CLNK: variants seen among roughly 807,000 people sequenced by gnomAD.
CLNK encodes cytokine-dependent hematopoietic cell linker.
In CLNK, 74 loss-of-function variants were observed where a neutral mutation model predicts 68.6. The observed-to-expected ratio is 1.08, with a 90% CI of 0.89 to 1.31. CLNK has a LOEUF of 1.31. CLNK is among the 50% of genes most tolerant of loss of function. The pLI is 0.00. For missense variants in CLNK, 553 were observed against 515.3 expected (o/e 1.07, Z -0.71); for synonymous variants, 198 against 172.2 (o/e 1.15, Z -1.17).
chr4:10,663,070 T>C (rs1724255167), intron 2 of CLNK, among the ~76,000 whole-genome samples: 1 of 152,226 alleles, frequency 6.6e-6, no homozygotes, highest in South Asian at 2.1e-4. Context: ...TGACTTTGTC[T>C]CTTCCAAAGC....
At chr4:10,620,828 C>T (rs1267007585) in intron 2 of CLNK, among the ~76,000 whole-genome samples, 2 of 151,862 alleles carry the variant, frequency 1.3e-5, no homozygotes, top group African/African-American at 2.4e-5. Context: ...TCAGGCTGGG[C>T]GCGGTGGCTC....
intron 13 of CLNK, among the ~76,000 whole-genome samples, chr4:10,527,259 T>C (rs1718357861): frequency 6.6e-6 from 1 of 152,230 alleles, no homozygotes; most frequent in African/African-American, 2.4e-5. Flanking sequence ...GTTAGGTTTT[T>C]GAATTATTTA....
chr4:10,638,606 T>C (rs1448171890), intron 2 of CLNK, among the ~76,000 whole-genome samples: 3 of 152,224 alleles, frequency 2.0e-5, no homozygotes, highest in Non-Finnish European at 2.9e-5. Flanking sequence ...TGGTTGTTAT[T>C]GACACTGGTG....
At chr4:10,676,528 C>T (rs1161098161) in intron 1 of CLNK, among the ~76,000 whole-genome samples, 1 of 151,614 alleles carries the variant, frequency 6.6e-6, no homozygotes, top group Non-Finnish European at 1.5e-5. Context: ...GGCAATGTGA[C>T]TGTGCATTCA....
intron 1 of CLNK, among the ~76,000 whole-genome samples, chr4:10,684,105 A>G (rs1036058677): frequency 5.9e-5 from 9 of 152,336 alleles, no homozygotes; most frequent in Non-Finnish European, 1.2e-4. Context: ...TTTCAAGAGT[A>G]AGAATTTAAC....
intron 3 of CLNK, among the ~76,000 whole-genome samples, chr4:10,591,209 G>T (rs547097115): frequency 6.6e-6 from 1 of 152,154 alleles, no homozygotes; most frequent in Admixed American, 6.5e-5. Flanking sequence ...CAGAGGTAAC[G>T]TAGGAACACA....
intron 1 of CLNK, among the ~76,000 whole-genome samples, chr4:10,682,137 G>A (rs1168196953): frequency 2.6e-5 from 4 of 151,914 alleles, no homozygotes; most frequent in East Asian, 3.9e-4. Flanking sequence ...GTGTGTATGT[G>A]TGTGTGTGTG....
chr4:10,530,625 C>T (rs1443952912), intron 12 of CLNK, among the ~76,000 whole-genome samples: 1 of 152,170 alleles, frequency 6.6e-6, no homozygotes, highest in Admixed American at 6.5e-5. Flanking sequence ...GCTGACCCCC[C>T]ATCTCCCAAT....
the CLNK span, among the ~76,000 whole-genome samples, chr4:10,701,486 G>A: frequency 5.3e-5 from 8 of 152,150 alleles, no homozygotes; most frequent in East Asian, 1.9e-4. Context: ...AAAATAAAAC[G>A]CAGTCCCCTT....
chr4:10,508,082 T>C (rs1243634353), intron 16 of CLNK, 46 bp from the exon 17 acceptor site: 3 of 1,405,640 alleles, frequency 2.1e-6, no homozygotes, highest in Non-Finnish European at 2.0e-6. Flanking sequence ...CAATGGGAAG[T>C]ATGAATTATT....
chr4:10,675,054 T>G (rs772035723), intron 1 of CLNK, among the ~76,000 whole-genome samples: 1 of 152,172 alleles, frequency 6.6e-6, no homozygotes, highest in South Asian at 2.1e-4. Context: ...AAAACCTAGA[T>G]GATGGGTTGG....
At chr4:10,670,147 A>G (rs1372983658) in intron 1 of CLNK, among the ~76,000 whole-genome samples, 1 of 152,236 alleles carries the variant, frequency 6.6e-6, no homozygotes, top group Non-Finnish European at 1.5e-5. Context: ...TGTCTTACAA[A>G]CTATGAAATG....
chr4:10,706,099 G>A, the CLNK span, among the ~76,000 whole-genome samples: 2 of 152,178 alleles, frequency 1.3e-5, no homozygotes, highest in Admixed American at 6.5e-5. Context: ...TTGCTTTGGG[G>A]TCACATACTT....
At chr4:10,558,509 A>G (rs369127608) in intron 7 of CLNK, 57 bp from the exon 8 acceptor site, 2 of 1,497,470 alleles carry the variant, frequency 1.3e-6, no homozygotes, top group African/African-American at 2.7e-5. Flanking sequence ...ACACTATCTG[A>G]TGTCTTGACA....
chr4:10,540,259 C>G (rs1404552364), intron 11 of CLNK, among the ~76,000 whole-genome samples: 1 of 152,208 alleles, frequency 6.6e-6, no homozygotes, highest in Non-Finnish European at 1.5e-5. Context: ...CTTGCTTCCC[C>G]CTCCACCATG....
At chr4:10,685,801 A>G (rs1725249594), upstream of CLNK, among the ~76,000 whole-genome samples, 1 of 152,212 alleles carries the variant, frequency 6.6e-6, no homozygotes. Context: ...TGTAAGGAAC[A>G]TATGTAAAAT....
At chr4:10,596,696 A>C (rs1282159564) in intron 3 of CLNK, among the ~76,000 whole-genome samples, 2 of 152,128 alleles carry the variant, frequency 1.3e-5, no homozygotes, top group Non-Finnish European at 2.9e-5. Flanking sequence ...ATTTAGGTTT[A>C]TAAATAGTTT....
At chr4:10,663,461 T>G (rs1724271705) in intron 2 of CLNK, among the ~76,000 whole-genome samples, 1 of 152,240 alleles carries the variant, frequency 6.6e-6, no homozygotes, top group Admixed American at 6.5e-5. Context: ...TATTCAACTT[T>G]ATAAATGAGG....
At chr4:10,728,777 A>G in the CLNK span, among the ~76,000 whole-genome samples, 1 of 151,448 alleles carries the variant, frequency 6.6e-6, no homozygotes, top group Admixed American at 6.6e-5. Flanking sequence ...TTGTATTTTT[A>G]GTAGAGACGG....
Sources: allele counts gnomAD v4.1 joint callset (sites outside exome capture counted in the v4.1 genomes callset), GRCh38; gene constraint gnomAD v4.1.1; transcripts MANE v1.5; gene names NCBI Gene and HGNC (gene_info 2026-07-23, HGNC 2026-07-21).